SULF1: variants seen among roughly 807,000 people sequenced by gnomAD.
SULF1 encodes the protein extracellular sulfatase Sulf-1.
In SULF1, 46 loss-of-function variants were observed where a neutral mutation model predicts 110.5. The observed-to-expected ratio is 0.42, with a 90% CI of 0.33 to 0.53. The LOEUF is 0.53. Among genes scored for constraint, SULF1 ranks in the 20% least tolerant of loss-of-function variants. The pLI is 0.12. For missense variants in SULF1, 941 were observed against 1,094.2 expected, an observed-to-expected ratio of 0.86 and a Z score of 1.98; for synonymous variants, 371 against 387.1, an observed-to-expected ratio of 0.96 and a Z score of 0.49.
intron 8 of SULF1, among the ~76,000 whole-genome samples, chr8:69,591,002 C>A (rs564180952): frequency 6.6e-6 from 1 of 152,218 alleles, no homozygotes; most frequent in Non-Finnish European, 1.5e-5. Flanking sequence ...TAGCAGAAAC[C>A]CAGTCTAAGG....
intron 8 of SULF1, among the ~76,000 whole-genome samples, chr8:69,594,557 CT>C (rs1271698869): frequency 6.6e-6 from 1 of 152,168 alleles, no homozygotes; most frequent in Non-Finnish European, 1.5e-5. Context: ...GAAAAACTCC[CT>C]CTGTGTAAGC....
rs1812859210 is a variant in SULF1, at chr8:69,658,070, A to G, written c.2586-435A>G. On this transcript the variant is annotated intron_variant, in intron 22 of 22. Coordinates refer to ENST00000402687, the MANE Select transcript of SULF1 (RefSeq NM_001128205.2). ...TAAGCATTGCCTATTACATTCAAAT[A>G]CTTTCAAATTTGTCATTCACCCAGC... 3.3e-5 allele frequency among the ~76,000 whole-genome samples: 5 copies of G among 152,250 alleles called. No individual in the cohort carries two copies. In the South Asian group the frequency reaches 1.0e-3, roughly 31 times the overall value.
At chr8:69,557,237 A>G (rs1815175447) in intron 3 of SULF1, among the ~76,000 whole-genome samples, 1 of 152,096 alleles carries the variant, frequency 6.6e-6, no homozygotes. Context: ...GAAACCATTG[A>G]TCATTTGGAC....
intron 3 of SULF1, among the ~76,000 whole-genome samples, chr8:69,524,207 G>A (rs1195686416): frequency 6.6e-6 from 1 of 151,998 alleles, no homozygotes; most frequent in Non-Finnish European, 1.5e-5. Flanking sequence ...GAAAGATTTT[G>A]GCATGACACT....
At chr8:69,657,498 A>T (rs892346148) in intron 22 of SULF1, among the ~76,000 whole-genome samples, 2 of 152,212 alleles carry the variant, frequency 1.3e-5, no homozygotes, top group Non-Finnish European at 2.9e-5. Flanking sequence ...TTCCACCAAC[A>T]GCCTCCAATC....
At chr8:69,588,682 T>C (rs1349511348) in intron 7 of SULF1, among the ~76,000 whole-genome samples, 1 of 152,216 alleles carries the variant, frequency 6.6e-6, no homozygotes, top group African/African-American at 2.4e-5. Flanking sequence ...AGATTAATCA[T>C]TATCTTGGGC....
At chr8:69,559,941 C>T (rs1037479409) in intron 3 of SULF1, among the ~76,000 whole-genome samples, 3 of 152,176 alleles carry the variant, frequency 2.0e-5, no homozygotes, top group African/African-American at 7.2e-5. Context: ...TTCTATCATT[C>T]ATGCTAAGAC....
intron 3 of SULF1, among the ~76,000 whole-genome samples, chr8:69,508,143 T>G (rs1249620122): frequency 6.6e-6 from 1 of 151,352 alleles, no homozygotes; most frequent in Non-Finnish European, 1.5e-5. Flanking sequence ...TTTGCTCTTG[T>G]TGCCCAGGCT....
chr8:69,630,721 C>T (rs1810454122), intron 19 of SULF1, among the ~76,000 whole-genome samples: 2 of 151,880 alleles, frequency 1.3e-5, no homozygotes, highest in Non-Finnish European at 2.9e-5. Context: ...ATTTTCTGTG[C>T]TCATATTTTA....
intron 3 of SULF1, among the ~76,000 whole-genome samples, chr8:69,505,383 G>A (rs1811115253): frequency 1.3e-5 from 2 of 152,132 alleles, no homozygotes; most frequent in African/African-American, 2.4e-5. Context: ...TGTTGGACAA[G>A]GTTTGGTGCG....
At chr8:69,495,541 G>A (rs1163711384) in intron 1 of SULF1, among the ~76,000 whole-genome samples, 1 of 152,154 alleles carries the variant, frequency 6.6e-6, no homozygotes, top group Non-Finnish European at 1.5e-5. Context: ...TGTCCCTGCT[G>A]CCAAATGAAT....
intron 3 of SULF1, among the ~76,000 whole-genome samples, chr8:69,518,068 T>C (rs1249992318): frequency 1.3e-5 from 2 of 152,250 alleles, no homozygotes; most frequent in Non-Finnish European, 2.9e-5. Context: ...TTAACATATC[T>C]GCAAACTTTT....
intron 3 of SULF1, among the ~76,000 whole-genome samples, chr8:69,527,732 A>T (rs932552836): frequency 6.6e-6 from 1 of 152,084 alleles, no homozygotes; most frequent in African/African-American, 2.4e-5. Flanking sequence ...AAAATGAATG[A>T]GATTTTCATT....
chr8:69,495,329 A>G (rs1214285318), intron 1 of SULF1, among the ~76,000 whole-genome samples: 2 of 152,152 alleles, frequency 1.3e-5, no homozygotes, highest in African/African-American at 4.8e-5. Context: ...GCTATGGTGC[A>G]CTATAATCAA....
chr8:69,547,715 T>A (rs756910620), intron 3 of SULF1, among the ~76,000 whole-genome samples: 15 of 152,128 alleles, frequency 9.9e-5, no homozygotes, highest in Non-Finnish European at 2.9e-5. Flanking sequence ...ATTTTGAAAG[T>A]GTATTGTACG....
chr8:69,575,751 A>G (rs73683987), intron 5 of SULF1, among the ~76,000 whole-genome samples: 5,079 of 151,992 alleles, frequency 0.033, 272 homozygotes, highest in African/African-American at 0.12. Context: ...GATTACAGGG[A>G]GGAGAAGTGT....
intron 3 of SULF1, among the ~76,000 whole-genome samples, chr8:69,545,848 T>A (rs1374487692): frequency 6.6e-6 from 1 of 152,104 alleles, no homozygotes. Context: ...TTTTGTTTTG[T>A]TTTGTTATGT....
rs554819447 is a variant in SULF1, at chr8:69,635,571, TA to T, written c.2285-2929del. 4.3e-4 allele frequency among the ~76,000 whole-genome samples: 65 copies of T among 152,346 alleles called. 1 individual carries two copies. The South Asian group carries it at 0.013, about 31-fold the overall frequency. On this transcript the variant is annotated intron_variant, in intron 19 of 22. Transcript: ENST00000402687. ...TACTACATAGGATAGCAGAGTCTAG[TA>T]ATTAAGAGTAAACTCTTGCCCGGGT...
chr8:69,554,978 C>CAAAAAAAAAAAAAAAAAAA lies in SULF1; in HGVS notation c.-133-8559_-133-8541dup, dbSNP rs141225696. 6.3e-5 allele frequency among the ~76,000 whole-genome samples: 4 copies of CAAAAAAAAAAAAAAAAAAA among 63,484 alleles called. 1 individual carries two copies. The highest frequency in any genetic ancestry group is 3.0e-4 in the African/African-American group (3 of 10,062). 41.6% of individuals were successfully genotyped at this position (63,484 alleles called of 152,430 possible). A position where few individuals can be genotyped will look rare whatever the true frequency, so the allele number is the denominator to read the frequency against. ...TGGGCGACAGGGCGAGATTCCATCT[C>CAAAAAAAAAAAAAAAAAAA]AAAAAAAAAAAAAAAAAAAACAAAA... is the stretch of plus-strand genomic sequence containing the variant. On this transcript the variant is annotated intron_variant, in intron 3 of 22. Transcript: ENST00000402687.
Sources: allele counts gnomAD v4.1 joint callset (sites outside exome capture counted in the v4.1 genomes callset), GRCh38; gene constraint gnomAD v4.1.1; transcripts MANE v1.5; gene names NCBI Gene and HGNC (gene_info 2026-07-23, HGNC 2026-07-21).